Variants in ROBO2 observed in about 807,000 individuals in gnomAD.
The protein encoded by ROBO2 is roundabout homolog 2.
Under a neutral mutation model 160.8 loss-of-function variants are expected in ROBO2, and 53 were observed. That is an observed-to-expected ratio of 0.33 (90% CI 0.26 to 0.41). The LOEUF is 0.41. Ranked by LOEUF, ROBO2 falls within the 10% of genes least tolerant of loss-of-function variation. The probability of loss-of-function intolerance (pLI) is 1.00; values close to 1 mark genes in which losing one functional copy is unlikely to be tolerated. For missense variants in ROBO2, 1,577 were observed against 1,722.4 expected (o/e 0.92, Z 1.49); for synonymous variants, 664 against 611.7 (o/e 1.09, Z -1.26).
intron 2 of ROBO2, among the ~76,000 whole-genome samples, chr3:77,180,388 TTCTCTCTC>T (rs369947015): frequency 0.022 from 2,205 of 99,458 alleles, 102 homozygotes; most frequent in African/African-American, 0.066. Flanking sequence ...ACCTTTTGAA[TTCTCTCTC>T]TCTCTCTCTC....
intron 2 of ROBO2, among the ~76,000 whole-genome samples, chr3:75,939,869 TGTC>T (rs1158883083): frequency 1.3e-5 from 2 of 152,124 alleles, no homozygotes; most frequent in Non-Finnish European, 2.9e-5. Flanking sequence ...TCCTTATTAT[TGTC>T]AAGAAAAGAA....
intron 2 of ROBO2, among the ~76,000 whole-genome samples, chr3:77,277,180 CTTTCTTTCTTTCT>C (rs1367031555): frequency 5.2e-5 from 6 of 114,736 alleles, no homozygotes; most frequent in Admixed American, 1.7e-4. Flanking sequence ...TTCTTTCTTT[CTTTCTTTCTTTCT>C]TTCTTTCTTT....
At chr3:76,817,827 CT>C (rs78546104) in intron 2 of ROBO2, among the ~76,000 whole-genome samples, 33,809 of 129,292 alleles carry the variant, frequency 0.26, 4,051 homozygotes, top group East Asian at 0.41. Context: ...TATTTCATTC[CT>C]TTTTTTTTTT....
intron 2 of ROBO2, among the ~76,000 whole-genome samples, chr3:77,396,080 G>A (rs1434707306): frequency 1.1e-4 from 16 of 149,220 alleles, no homozygotes; most frequent in African/African-American, 3.4e-4. Flanking sequence ...AAAAAAAAAA[G>A]AAAAGCACTA....
chr3:77,080,687 C>T (rs1322979285), intron 1 of ROBO2, among the ~76,000 whole-genome samples: 1 of 152,168 alleles, frequency 6.6e-6, no homozygotes, highest in Non-Finnish European at 1.5e-5. Context: ...GGAAAGCTCT[C>T]TTCAGCTGAG....
intron 2 of ROBO2, among the ~76,000 whole-genome samples, chr3:76,530,021 T>C (rs1469599901): frequency 6.6e-6 from 1 of 152,148 alleles, no homozygotes; most frequent in African/African-American, 2.4e-5. Flanking sequence ...CTTTTAGCAC[T>C]TGGGCAGACA....
At chr3:76,098,417 A>G (rs556915086) in intron 2 of ROBO2, among the ~76,000 whole-genome samples, 19 of 152,220 alleles carry the variant, frequency 1.2e-4, no homozygotes, top group African/African-American at 4.3e-4. Context: ...TACAACATGC[A>G]ATTTTTGTGT....
intron 2 of ROBO2, among the ~76,000 whole-genome samples, chr3:77,119,536 A>G (rs573741347): frequency 1.3e-5 from 2 of 152,224 alleles, no homozygotes; most frequent in Non-Finnish European, 2.9e-5. Flanking sequence ...ATATTTATGA[A>G]TGTAACTTGA....
chr3:76,812,343 T>A (rs9874138), intron 2 of ROBO2, among the ~76,000 whole-genome samples: 1 of 141,274 alleles, frequency 7.1e-6, no homozygotes, highest in East Asian at 2.1e-4. Flanking sequence ...TAAAAGCTAT[T>A]TGAAAAAAAA....
intron 2 of ROBO2, among the ~76,000 whole-genome samples, chr3:77,454,347 G>A (rs9840819): frequency 0.15 from 22,194 of 151,888 alleles, 2,035 homozygotes; most frequent in African/African-American, 0.26. Context: ...AGTTGGCCTC[G>A]TCAATTTCTA....
rs569396932 is a variant in ROBO2 at position 77,106,914 on chromosome 3, A to G, written c.388+8574A>G. On this transcript the variant is annotated intron_variant, in intron 2 of 25. Transcript: ENST00000461745. ...CCAGGTTGGGTTGTTTCTCTAAACT[A>G]TTTGAAGTTTTCTAACATAGTCCTC... 1.5e-4 allele frequency among the ~76,000 whole-genome samples: 23 copies of G among 152,354 alleles called. No individual in the cohort carries two copies. In the East Asian group the frequency reaches 3.9e-3, roughly 26 times the overall value.
chr3:77,272,501 C>T (rs1326971455), intron 2 of ROBO2, among the ~76,000 whole-genome samples: 2 of 152,104 alleles, frequency 1.3e-5, no homozygotes, highest in Non-Finnish European at 2.9e-5. Flanking sequence ...AATACGCCCC[C>T]ATGTTGCAAT....
At chr3:76,351,085 T>A (rs1029731582) in intron 2 of ROBO2, among the ~76,000 whole-genome samples, 2 of 151,932 alleles carry the variant, frequency 1.3e-5, no homozygotes, top group Non-Finnish European at 2.9e-5. Context: ...AACATCATGT[T>A]CAAGTGAATT....
At chr3:76,707,753 ATATATAT>A (rs1321409589) in intron 2 of ROBO2, among the ~76,000 whole-genome samples, 7 of 148,552 alleles carry the variant, frequency 4.7e-5, no homozygotes, top group Non-Finnish European at 4.5e-5. Context: ...ATATATATAT[ATATATAT>A]AAATCTTAAA....
At chr3:76,472,811 A>G (rs1267994163) in intron 2 of ROBO2, among the ~76,000 whole-genome samples, 2 of 152,180 alleles carry the variant, frequency 1.3e-5, no homozygotes, top group Non-Finnish European at 2.9e-5. Flanking sequence ...GGGCTACCCA[A>G]TGATTTCCTG....
rs1356071966 is a variant in ROBO2 at position 76,567,646 on chromosome 3, TATATATAC to T, written c.110-530366_110-530359del. On this transcript the variant is annotated intron_variant, in intron 2 of 26. Coordinates refer to the ROBO2 transcript ENST00000487694. Reference sequence around the variant, plus strand: ...ATATATATATATATATATATATATATATATATACACATACACATATATATACATATATA... The same window carrying T: ...ATATATATATATATATATATATATATACATACACATATATATACATATATA... Among the ~76,000 whole-genome samples the T allele has an allele frequency of 8.8e-3, 837 of 94,806 alleles. 44 individuals carry two copies. Among genetic ancestry groups the T allele is most frequent in the African/African-American group, 0.033 (760 of 23,272 alleles). The allele number at this position is 94,806 out of a possible 152,430, so 62.2% of individuals were successfully genotyped here.
intron 24 of ROBO2, chr3:77,642,880 A>G: frequency 2.2e-6 from 1 of 456,704 alleles, no homozygotes; most frequent in South Asian, 1.5e-5. Context: ...CCAGGAATGG[A>G]TAAGCTCCAC....
At chr3:77,267,070 A>T (rs1051146618) in intron 2 of ROBO2, among the ~76,000 whole-genome samples, 4 of 152,086 alleles carry the variant, frequency 2.6e-5, no homozygotes, top group African/African-American at 9.7e-5. Context: ...ATATTCTCAG[A>T]CTCACAAAGC....
At chr3:75,979,514 G>GT (rs1223969002) in intron 2 of ROBO2, among the ~76,000 whole-genome samples, 4 of 151,430 alleles carry the variant, frequency 2.6e-5, no homozygotes, top group Non-Finnish European at 5.9e-5. Flanking sequence ...CCGAGGACAG[G>GT]TTTTTTTCAC....
Sources: allele counts gnomAD v4.1 joint callset (sites outside exome capture counted in the v4.1 genomes callset), GRCh38; gene constraint gnomAD v4.1.1; transcripts MANE v1.5; gene names NCBI Gene and HGNC (gene_info 2026-07-23, HGNC 2026-07-21).